SLITRK5: variants seen among roughly 807,000 people sequenced by gnomAD.
SLITRK5 encodes the protein SLIT and NTRK like family member 5.
SLITRK5 carries 23 observed loss-of-function variants against 56.2 expected under a neutral mutation model. The ratio of observed to expected loss-of-function variants is 0.41; its 90% confidence interval spans 0.29 to 0.58. The LOEUF is 0.58. SLITRK5 is among the 20% of genes least tolerant of loss of function. The pLI is 0.30. For synonymous variants in SLITRK5, 637 were observed against 531.8 expected (o/e 1.20, Z -2.72); for missense variants, 1,289 against 1,226.6 (o/e 1.05, Z -0.76).
At position 87,676,587 on chromosome 13, in the gene SLITRK5, G is replaced by T. The variant is rs746616736; in HGVS notation, c.1199G>T (p.Ser400Ile). ...AACTGCCAGGAGCGAAAGATCGAGA[G>T]CATCGCTGAACTGCAGCCCAAGCCC... ...NVNCQERKIESIAELQPKPYN... is the reference protein window; with the variant it reads ...NVNCQERKIEIIAELQPKPYN... The change falls in exon 2 of 2, where the codon AGC becomes ATC. Residue 400 changes from serine (S) to isoleucine (I), a missense_variant. Around this residue, in one of 3 missense-constraint regions of SLITRK5, gnomAD observed 985 missense variants for 906.0 expected, o/e 1.09. Coordinates refer to ENST00000683689, the MANE Select transcript of SLITRK5 (RefSeq NM_001384609.1). The T allele has an allele frequency of 6.2e-7, 1 of 1,614,128 alleles. No individual in the cohort carries two copies. Among genetic ancestry groups the T allele is most frequent in the Admixed American group, 1.7e-5 (1 of 60,026 alleles).
Position 87,675,380 on chromosome 13 carries a change from G to A in SLITRK5, c.-8-1G>A. Reference sequence around the variant, plus strand: ...TTCCTTGTTTTCTCTCTCCCTTACAGGAGGTAAAATGCACACTTGCTGCCC... The same window carrying A: ...TTCCTTGTTTTCTCTCTCCCTTACAAGAGGTAAAATGCACACTTGCTGCCC... On this transcript the variant is annotated splice_acceptor_variant, in intron 1 of 1. Transcript: ENST00000683689. LOFTEE classifies it low-confidence loss of function (5UTR_SPLICE). 6.2e-7 allele frequency: 1 copy of A among 1,610,296 alleles called. No homozygotes were observed. The highest frequency in any genetic ancestry group is 8.5e-7 in the Non-Finnish European group (1 of 1,176,828).
At chr13:87,672,645 G>A (rs1877084381) in intron 1 of SLITRK5, 2 of 152,030 alleles carry the variant, frequency 1.3e-5, no homozygotes, top group Admixed American at 1.3e-4. Context: ...CCGCGGCGGC[G>A]GCCCCAGGCT....
chr13:87,679,017 C>T lies in SLITRK5; in HGVS notation c.*752C>T, dbSNP rs1877425230. The T allele has an allele frequency of 6.0e-6, 1 of 166,882 alleles. No homozygotes were observed. The highest frequency in any genetic ancestry group is 2.4e-5 in the African/African-American group (1 of 41,438). The allele number at this position is 166,882 out of a possible 1,614,324, so 10.3% of individuals were successfully genotyped here. ...CACCTATTTTTATATGCACATTTAG[C>T]ATTCCTCTTTCCTTCACTATTTAGC... is the stretch of plus-strand genomic sequence containing the variant. On this transcript the variant is annotated 3_prime_UTR_variant, in exon 2 of 2. Coordinates refer to ENST00000683689, the MANE Select transcript of SLITRK5 (RefSeq NM_001384609.1).
rs80232377 is a variant in SLITRK5, at chr13:87,678,743, T to C, written c.*478T>C. 6.6e-3 allele frequency: 1,073 copies of C among 162,708 alleles called. 37 individuals carry two copies. The East Asian group carries it at 0.11, about 17-fold the overall frequency. The allele number at this position is 162,708 out of a possible 1,614,324, so 10.1% of individuals were successfully genotyped here. A position where few individuals can be genotyped will look rare whatever the true frequency, so the allele number is the denominator to read the frequency against. On this transcript the variant is annotated 3_prime_UTR_variant, in exon 2 of 2. Coordinates refer to ENST00000683689, the MANE Select transcript of SLITRK5 (RefSeq NM_001384609.1). The stretch of plus-strand genomic sequence containing the variant: ...AGAAATTAGCACACCCCAACTTTAA[T>C]AGGAAATTTGTTCTCTTTTTCCGCC...
Position 87,676,615 on chromosome 13 carries a change from C to T in SLITRK5, c.1227C>T (p.Tyr409=), listed in dbSNP as rs1421247488. The change falls in exon 2 of 2, where the codon TAC becomes TAT. Residue 409 remains tyrosine, a synonymous_variant. Coordinates refer to ENST00000683689, the MANE Select transcript of SLITRK5 (RefSeq NM_001384609.1). ...ESIAELQPKP[Y]NPKKMYLTEN... ...TCGCTGAACTGCAGCCCAAGCCCTA[C>T]AATCCCAAGAAAATGTATCTGACAG... 3.7e-6 allele frequency: 6 copies of T among 1,613,992 alleles called. No individual in the cohort carries two copies. Among genetic ancestry groups the T allele is most frequent in the African/African-American group, 2.7e-5 (2 of 74,928 alleles).
At position 87,679,513 on chromosome 13, in the gene SLITRK5, G is replaced by A. The variant is rs1877446388; in HGVS notation, c.*1248G>A. On this transcript the variant is annotated 3_prime_UTR_variant, in exon 2 of 2. Transcript: ENST00000683689. ...CAAGCAATGATGATAATGACAAACA[G>A]GATATCTGTAAGATGGGGCTACTGT... The A allele has an allele frequency of 6.0e-6, 1 of 166,708 alleles. No individual in the cohort carries two copies. The highest frequency in any genetic ancestry group is 1.5e-5 in the Non-Finnish European group (1 of 68,076). The allele number at this position is 166,708 out of a possible 1,614,324, so 10.3% of individuals were successfully genotyped here.
chr13:87,673,475 G>A (rs1183690646), intron 1 of SLITRK5: 1 of 896,110 alleles, frequency 1.1e-6, no homozygotes, highest in East Asian at 6.2e-5. Context: ...TGGGGTGGGA[G>A]GTGAATGGGG....
chr13:87,675,887 G>T lies in SLITRK5; in HGVS notation c.499G>T (p.Val167Phe). The T allele has an allele frequency of 1.2e-6, 2 of 1,614,082 alleles. No individual in the cohort carries two copies. Among genetic ancestry groups the T allele is most frequent in the Non-Finnish European group, 8.5e-7 (1 of 1,180,028 alleles). The change falls in exon 2 of 2, where the codon GTC becomes TTC. Residue 167 changes from valine (V) to phenylalanine (F), a missense_variant. By Grantham distance (50) the Val-to-Phe change is conservative. Coordinates refer to ENST00000683689, the MANE Select transcript of SLITRK5 (RefSeq NM_001384609.1). Reference sequence around the variant, plus strand: ...ACAGGTCGATTACAACTACATCAGCGTCATTGAACCCAATGCTTTTGGGAA... The same window carrying T: ...ACAGGTCGATTACAACTACATCAGCTTCATTGAACCCAATGCTTTTGGGAA... ...YLQVDYNYIS[V>F]IEPNAFGKLH... is the part of the protein sequence containing the mutation.
chr13:87,673,497 C>CAGGG (rs1394551289), intron 1 of SLITRK5: 3 of 1,035,158 alleles, frequency 2.9e-6, no homozygotes, highest in Non-Finnish European at 3.8e-6. Context: ...CGGGGAAGCA[C>CAGGG]AGGGAGGGAG....
At position 87,678,643 on chromosome 13, in the gene SLITRK5, T is replaced by C; in HGVS notation, c.*378T>C. The C allele has an allele frequency of 5.4e-6, 1 of 185,918 alleles. No homozygotes were observed. Among genetic ancestry groups the C allele is most frequent in the Non-Finnish European group, 1.2e-5 (1 of 81,452 alleles). 11.5% of individuals were successfully genotyped at this position (185,918 alleles called of 1,614,324 possible). A position where few individuals can be genotyped will look rare whatever the true frequency, so the allele number is the denominator to read the frequency against. On this transcript the variant is annotated 3_prime_UTR_variant, in exon 2 of 2. Coordinates refer to ENST00000683689, the MANE Select transcript of SLITRK5 (RefSeq NM_001384609.1). ...ATTCTACTCTTCCTCTTTTGCTTCC[T>C]CCCCCTCCCCCGCCCCTGCCCCACC...
intron 1 of SLITRK5, among the ~76,000 whole-genome samples, chr13:87,674,958 G>C (rs886425440): frequency 4.0e-5 from 6 of 151,764 alleles, no homozygotes; most frequent in African/African-American, 9.7e-5. Flanking sequence ...AAGAAAGAAG[G>C]GGGGGTGGGG....
chr13:87,674,909 G>T (rs938436214), intron 1 of SLITRK5, among the ~76,000 whole-genome samples: 1 of 145,942 alleles, frequency 6.9e-6, no homozygotes, highest in African/African-American at 2.5e-5. Flanking sequence ...GTGAACATGA[G>T]AGACCTTCAC....
Position 87,675,368 on chromosome 13 carries a change from C to T in SLITRK5, c.-8-13C>T, listed in dbSNP as rs752030454. 1.9e-6 allele frequency: 3 copies of T among 1,591,448 alleles called. No homozygotes were observed. In the Admixed American group the frequency reaches 5.1e-5, roughly 27 times the overall value. On this transcript the variant is annotated splice_polypyrimidine_tract_variant and intron_variant, in intron 1 of 1. Coordinates refer to ENST00000683689, the MANE Select transcript of SLITRK5 (RefSeq NM_001384609.1). The stretch of plus-strand genomic sequence containing the variant: ...ATATTCTGTTATTTCCTTGTTTTCT[C>T]TCTCCCTTACAGGAGGTAAAATGCA...
At position 87,678,387 on chromosome 13, in the gene SLITRK5, AT is replaced by A. The variant is rs1877394568; in HGVS notation, c.*125del. 2.0e-5 allele frequency: 19 copies of A among 950,780 alleles called. No individual in the cohort carries two copies. In the South Asian group the frequency reaches 2.7e-4, roughly 14 times the overall value. The allele number at this position is 950,780 out of a possible 1,614,324, so 58.9% of individuals were successfully genotyped here. A position where few individuals can be genotyped will look rare whatever the true frequency, so the allele number is the denominator to read the frequency against. ...TTAGGGTGAAGTGCCTTGGCACGGG[AT>A]TTCTCAGCTTCGGTGGAAGATACGA... On this transcript the variant is annotated 3_prime_UTR_variant, in exon 2 of 2. Coordinates refer to ENST00000683689, the MANE Select transcript of SLITRK5 (RefSeq NM_001384609.1).
Position 87,676,126 on chromosome 13 carries a change from A to G in SLITRK5, c.738A>G (p.Leu246=). The G allele has an allele frequency of 3.1e-6, 5 of 1,614,014 alleles. No individual in the cohort carries two copies. The highest frequency in any genetic ancestry group is 4.2e-6 in the Non-Finnish European group (5 of 1,179,990). ...PWNCSCELIS[L]KDWLDSISYS... Reference sequence around the variant, plus strand: ...ATTGTTCTTGTGAGCTGATCTCTCTAAAGGATTGGTTGGACAGCATCTCCT... The same window carrying G: ...ATTGTTCTTGTGAGCTGATCTCTCTGAAGGATTGGTTGGACAGCATCTCCT... The change falls in exon 2 of 2, where the codon CTA becomes CTG. Residue 246 remains leucine, a synonymous_variant. Transcript: ENST00000683689.
chr13:87,674,406 G>A, intron 1 of SLITRK5: 2 of 985,364 alleles, frequency 2.0e-6, no homozygotes, highest in South Asian at 9.4e-5. Flanking sequence ...GGAGCCCAAG[G>A]TAAGGGAGGC....
At chr13:87,674,007 AACACACACACACACAC>A (rs71101016) in intron 1 of SLITRK5, among the ~76,000 whole-genome samples, 6 of 142,612 alleles carry the variant, frequency 4.2e-5, no homozygotes, top group Admixed American at 2.1e-4. Context: ...CGCACACACA[AACACACACACACACAC>A]ACACACACAC....
Position 87,675,799 on chromosome 13 carries a change from C to G in SLITRK5, c.411C>G (p.Asn137Lys). 3 of 1,614,084 alleles carry G rather than the reference C, an allele frequency of 1.9e-6. No homozygotes were observed. Among genetic ancestry groups the G allele is most frequent in the Non-Finnish European group, 2.5e-6 (3 of 1,180,020 alleles). ...GGGGTTTGAGGAGATTGCATCTAAACAATAATAAACTGGAACTTCTGCGAG... is the reference window on the plus strand; with the variant it reads ...GGGGTTTGAGGAGATTGCATCTAAAGAATAATAAACTGGAACTTCTGCGAG... ...GLRGLRRLHL[N>K]NNKLELLRDD... Residue 137 changes from asparagine to lysine, a missense_variant, in exon 2 of 2, where the codon AAC becomes AAG. Asn to Lys is a moderately conservative substitution (Grantham distance 94). Transcript: ENST00000683689.
rs1877040051 is a variant in SLITRK5 at position 87,671,833 on chromosome 13, G to C, written c.-385G>C. ...CTCGGCGCGGAGACAGCGTCGGCGG[G>C]ATCCCAGCGCGGTGGTCGCCGCTGC... is the stretch of plus-strand genomic sequence containing the variant. On this transcript the variant is annotated 5_prime_UTR_variant, in exon 1 of 2. Transcript: ENST00000683689. 6.6e-6 allele frequency among the ~76,000 whole-genome samples: 1 copy of C among 152,016 alleles called. No individual in the cohort carries two copies. Among genetic ancestry groups the C allele is most frequent in the Non-Finnish European group, 1.5e-5 (1 of 67,990 alleles).
Sources: gnomAD v4.1 joint callset for allele counts (sites outside exome capture counted in the v4.1 genomes callset) on GRCh38, gnomAD v4.1.1 for gene constraint, gnomAD v4.1.1 regional missense constraint, MANE v1.5 for transcripts, NCBI Gene and HGNC (gene_info 2026-07-23, HGNC 2026-07-21) for gene names.